RBMS3: variants seen among roughly 807,000 people sequenced by gnomAD.
The protein encoded by RBMS3 is RNA-binding motif, single-stranded-interacting protein 3.
Under a neutral mutation model 66.8 loss-of-function variants are expected in RBMS3, and 27 were observed. That is an observed-to-expected ratio of 0.40 (90% CI 0.30 to 0.56). The LOEUF is 0.56. RBMS3 is among the 20% of genes least tolerant of loss of function. RBMS3 has a pLI of 0.40. For missense variants in RBMS3, 513 were observed against 549.5 expected (o/e 0.93, Z 0.66); for synonymous variants, 188 against 183.0 (o/e 1.03, Z -0.22).
chr3:29,474,405 A>G (rs557809507), intron 2 of RBMS3, among the ~76,000 whole-genome samples: 18 of 152,376 alleles, frequency 1.2e-4, no homozygotes, highest in Non-Finnish European at 2.1e-4. Context: ...GTTTATGTTT[A>G]GTACAAGGGA....
At position 29,866,103 on chromosome 3, in the gene RBMS3, C is replaced by A. The variant is rs562188866; in HGVS notation, c.638-2755C>A. Reference sequence around the variant, plus strand: ...AAAAAAAAAAAAAAAAAAAAAATTCCTCTTCTTGGATAACATTCCTTGGTT... The same window carrying A: ...AAAAAAAAAAAAAAAAAAAAAATTCATCTTCTTGGATAACATTCCTTGGTT... On this transcript the variant is annotated intron_variant, in intron 6 of 14. Transcript: ENST00000383767. 9.0e-5 allele frequency among the ~76,000 whole-genome samples: 10 copies of A among 110,896 alleles called. No individual in the cohort carries two copies. In the South Asian group the frequency reaches 1.4e-3, roughly 15 times the overall value. The allele number at this position is 110,896 out of a possible 152,430, so 72.8% of individuals were successfully genotyped here. A position where few individuals can be genotyped will look rare whatever the true frequency, so the allele number is the denominator to read the frequency against.
chr3:29,676,283 G>A (rs113471228), intron 4 of RBMS3, among the ~76,000 whole-genome samples: 2,208 of 152,228 alleles, frequency 0.015, 35 homozygotes, highest in Non-Finnish European at 0.021. Flanking sequence ...CGTGGAGTGG[G>A]GGAAGGGGGG....
chr3:29,815,074 T>C (rs2057844832), intron 6 of RBMS3, among the ~76,000 whole-genome samples: 1 of 152,172 alleles, frequency 6.6e-6, no homozygotes, highest in Admixed American at 6.5e-5. Flanking sequence ...GCACAATTGA[T>C]TGAACATTAG....
intron 6 of RBMS3, among the ~76,000 whole-genome samples, chr3:29,776,782 A>C (rs2056441913): frequency 1.3e-5 from 2 of 151,978 alleles, no homozygotes; most frequent in South Asian, 4.1e-4. Flanking sequence ...TATATAAGGT[A>C]CACATCCTTT....
chr3:29,595,176 A>T (rs1219310688), intron 4 of RBMS3, among the ~76,000 whole-genome samples: 1 of 152,100 alleles, frequency 6.6e-6, no homozygotes, highest in African/African-American at 2.4e-5. Flanking sequence ...AGGCAGGAGG[A>T]TCACAAGGTC....
intron 2 of RBMS3, among the ~76,000 whole-genome samples, chr3:29,445,250 A>T (rs537662497): frequency 6.6e-6 from 1 of 152,056 alleles, no homozygotes; most frequent in Non-Finnish European, 1.5e-5. Context: ...GCTACATCCA[A>T]TGTTGTGCCA....
At chr3:29,551,228 T>C (rs971776166) in intron 3 of RBMS3, among the ~76,000 whole-genome samples, 1 of 152,216 alleles carries the variant, frequency 6.6e-6, no homozygotes, top group African/African-American at 2.4e-5. Flanking sequence ...GATTGACATA[T>C]AGATCTTTTG....
At chr3:29,510,779 C>T (rs1314871072) in intron 3 of RBMS3, among the ~76,000 whole-genome samples, 1 of 152,120 alleles carries the variant, frequency 6.6e-6, no homozygotes, top group Non-Finnish European at 1.5e-5. Context: ...CTATTTGCAG[C>T]ATTGCTTTAG....
chr3:29,947,871 AG>A lies in RBMS3; in HGVS notation c.1098+3618del, dbSNP rs1356561656. Among the ~76,000 whole-genome samples, 9 of 151,152 alleles carry A rather than the reference AG, an allele frequency of 6.0e-5. No homozygotes were observed. The Admixed American group carries it at 6.0e-4, about 10-fold the overall frequency. On this transcript the variant is annotated intron_variant, in intron 12 of 14. Coordinates refer to ENST00000383767, the MANE Select transcript of RBMS3 (RefSeq NM_001003793.3). ...GAATGACATCAGCATGAAATCAAGC[AG>A]AAGACTACTATCACTAGAGAACTAA...
intron 4 of RBMS3, among the ~76,000 whole-genome samples, chr3:29,686,051 G>A (rs759607089): frequency 9.2e-5 from 14 of 152,172 alleles, no homozygotes; most frequent in Non-Finnish European, 1.5e-4. Context: ...CTTTACTATG[G>A]TAAGCACTTT....
intron 1 of RBMS3, among the ~76,000 whole-genome samples, chr3:29,289,269 A>G (rs1048174434): frequency 1.3e-5 from 2 of 151,918 alleles, no homozygotes; most frequent in Non-Finnish European, 2.9e-5. Flanking sequence ...TGGTCCATAC[A>G]TAAGTAGCAA....
At chr3:29,611,831 A>G (rs1216212429) in intron 4 of RBMS3, among the ~76,000 whole-genome samples, 2 of 152,042 alleles carry the variant, frequency 1.3e-5, no homozygotes, top group African/African-American at 2.4e-5. Flanking sequence ...TTCCTCATCC[A>G]TCTCCAGAGG....
At chr3:29,953,216 G>C (rs1391212436) in intron 12 of RBMS3, among the ~76,000 whole-genome samples, 1 of 151,882 alleles carries the variant, frequency 6.6e-6, no homozygotes, top group Non-Finnish European at 1.5e-5. Context: ...GAATGATTGT[G>C]TGTCTTAAGT....
At chr3:29,674,393 G>T (rs1163011037) in intron 4 of RBMS3, among the ~76,000 whole-genome samples, 1 of 152,148 alleles carries the variant, frequency 6.6e-6, no homozygotes, top group African/African-American at 2.4e-5. Flanking sequence ...AGTGTCGGAA[G>T]TTCTGGCCAG....
At chr3:29,657,887 A>G (rs1288373883) in intron 4 of RBMS3, among the ~76,000 whole-genome samples, 1 of 152,244 alleles carries the variant, frequency 6.6e-6, no homozygotes, top group African/African-American at 2.4e-5. Context: ...CCAAGTAGCC[A>G]TGAAAAGCAT....
chr3:29,359,803 A>T (rs2037455801), intron 1 of RBMS3, among the ~76,000 whole-genome samples: 1 of 152,004 alleles, frequency 6.6e-6, no homozygotes, highest in African/African-American at 2.4e-5. Flanking sequence ...GAATTTATCC[A>T]TTTCTTCTAG....
intron 1 of RBMS3, among the ~76,000 whole-genome samples, chr3:29,292,077 A>G (rs1043118356): frequency 2.6e-5 from 4 of 151,720 alleles, no homozygotes; most frequent in African/African-American, 9.7e-5. Context: ...GAATTCTCTC[A>G]TAATCACCCT....
intron 4 of RBMS3, among the ~76,000 whole-genome samples, chr3:29,594,298 G>C (rs1054406685): frequency 6.6e-6 from 1 of 151,834 alleles, no homozygotes; most frequent in African/African-American, 2.4e-5. Flanking sequence ...AATTCTAATT[G>C]ATCAGTAAAT....
At chr3:29,519,055 A>G (rs911306283) in intron 3 of RBMS3, among the ~76,000 whole-genome samples, 26 of 152,206 alleles carry the variant, frequency 1.7e-4, no homozygotes, top group African/African-American at 6.3e-4. Context: ...AAGAAAAAGT[A>G]ATAATAGCAT....
Sources: gnomAD v4.1 joint callset for allele counts (sites outside exome capture counted in the v4.1 genomes callset) on GRCh38, gnomAD v4.1.1 for gene constraint, MANE v1.5 for transcripts, NCBI Gene and HGNC (gene_info 2026-07-23, HGNC 2026-07-21) for gene names.